CHRM3: variants seen among roughly 807,000 people sequenced by gnomAD.
CHRM3 encodes the protein cholinergic receptor muscarinic 3, also known as muscarinic acetylcholine receptor M3.
A neutral mutation model predicts 41.8 loss-of-function variants in CHRM3; 11 were observed. That is an observed-to-expected ratio of 0.26 (90% CI 0.17 to 0.44). CHRM3 has a LOEUF of 0.44. Ranked by LOEUF, CHRM3 falls within the 20% of genes least tolerant of loss-of-function variation. The probability of loss-of-function intolerance (pLI) is 1.00; values close to 1 mark genes in which losing one functional copy is unlikely to be tolerated. For synonymous variants in CHRM3, 297 were observed against 301.4 expected (o/e 0.99, Z 0.15); for missense variants, 571 against 745.4 (o/e 0.77, Z 2.72).
chr1:239,580,617 A>G (rs2148585667), intron 3 of CHRM3, among the ~76,000 whole-genome samples: 2 of 147,940 alleles, frequency 1.4e-5, no homozygotes, highest in South Asian at 4.3e-4. Context: ...TCAGAATCTC[A>G]GAATATTCAC....
Position 239,671,672 on chromosome 1 carries a change from C to T in CHRM3, c.-249-6514C>T, listed in dbSNP as rs951633290. 2.1e-5 allele frequency among the ~76,000 whole-genome samples: 3 copies of T among 146,124 alleles called. No individual in the cohort carries two copies. In the South Asian group the frequency reaches 6.5e-4, roughly 31 times the overall value. On this transcript the variant is annotated intron_variant, in intron 4 of 6. Transcript: ENST00000676153. ...TATTGAAAACAGTTATTTTATTTTA[C>T]TTTTTTTTTTTTGAGGAGGTGAGGT...
intron 1 of CHRM3, among the ~76,000 whole-genome samples, chr1:239,464,633 G>T (rs1164604151): frequency 1.3e-5 from 2 of 152,114 alleles, no homozygotes; most frequent in East Asian, 3.9e-4. Context: ...AGGTGATGTT[G>T]GTGTCCCCTA....
intron 4 of CHRM3, among the ~76,000 whole-genome samples, chr1:239,650,911 A>G (rs1226888958): frequency 1.3e-5 from 2 of 152,160 alleles, no homozygotes; most frequent in Non-Finnish European, 2.9e-5. Context: ...ATATATGTAA[A>G]TATGTGTAAA....
At position 239,447,070 on chromosome 1, in the gene CHRM3, A is replaced by G. The variant is rs577000464; in HGVS notation, c.-520-45639A>G. Among the ~76,000 whole-genome samples the G allele has an allele frequency of 9.8e-5, 15 of 152,318 alleles. No individual in the cohort carries two copies. The East Asian group carries it at 2.9e-3, about 29-fold the overall frequency. On this transcript the variant is annotated intron_variant, in intron 1 of 6. Coordinates refer to ENST00000676153, the MANE Select transcript of CHRM3 (RefSeq NM_001375978.1). ...CTTTTGGTTTGTCAGTACTTTGCAAATATTATTTAACTGGAATCTAATTCA... is the reference window on the plus strand; with the variant it reads ...CTTTTGGTTTGTCAGTACTTTGCAAGTATTATTTAACTGGAATCTAATTCA...
At chr1:239,851,779 A>G (rs557069928) in intron 6 of CHRM3, among the ~76,000 whole-genome samples, 2 of 152,244 alleles carry the variant, frequency 1.3e-5, no homozygotes, top group Non-Finnish European at 2.9e-5. Context: ...CTTCTTTTCC[A>G]TAAAGCTAGC....
chr1:239,568,573 G>T (rs1661566512), intron 3 of CHRM3, among the ~76,000 whole-genome samples: 1 of 152,084 alleles, frequency 6.6e-6, no homozygotes, highest in Admixed American at 6.6e-5. Context: ...ACCCAGCTTT[G>T]CTTTAGTGAT....
intron 2 of CHRM3, among the ~76,000 whole-genome samples, chr1:239,517,077 C>T (rs547464508): frequency 2.0e-5 from 3 of 152,200 alleles, no homozygotes; most frequent in East Asian, 1.9e-4. Flanking sequence ...AAATAAAGTA[C>T]ACAATAAATG....
intron 2 of CHRM3, among the ~76,000 whole-genome samples, chr1:239,513,669 C>A (rs1023001217): frequency 2.0e-5 from 3 of 152,074 alleles, no homozygotes; most frequent in African/African-American, 7.2e-5. Context: ...TTATGGATCA[C>A]GTCTTTGGTG....
intron 5 of CHRM3, among the ~76,000 whole-genome samples, chr1:239,749,017 G>T (rs1665591487): frequency 6.6e-6 from 1 of 152,122 alleles, no homozygotes; most frequent in Non-Finnish European, 1.5e-5. Flanking sequence ...AAAACCTGGG[G>T]TCTGAGCCGT....
chr1:239,558,145 T>C (rs765359241), intron 3 of CHRM3, among the ~76,000 whole-genome samples: 2 of 152,186 alleles, frequency 1.3e-5, no homozygotes, highest in Non-Finnish European at 2.9e-5. Context: ...CACAAGCATC[T>C]CTTGTTTCTT....
At chr1:239,538,717 A>G (rs1338911) in intron 2 of CHRM3, among the ~76,000 whole-genome samples, 6,083 of 152,260 alleles carry the variant, frequency 0.04, 424 homozygotes, top group African/African-American at 0.14. Flanking sequence ...AAAGTTTAAT[A>G]GCCAATAAAT....
chr1:239,421,760 G>C (rs980868951), intron 1 of CHRM3, among the ~76,000 whole-genome samples: 5 of 152,020 alleles, frequency 3.3e-5, no homozygotes, highest in Non-Finnish European at 7.4e-5. Context: ...CATCTCTACT[G>C]TATTCCTCAT....
chr1:239,696,196 G>A (rs1407343359), intron 5 of CHRM3, among the ~76,000 whole-genome samples: 1 of 152,182 alleles, frequency 6.6e-6, no homozygotes, highest in Non-Finnish European at 1.5e-5. Flanking sequence ...AATAGTGATA[G>A]CTGTCCTATG....
chr1:239,796,043 A>C (rs1053407087), intron 5 of CHRM3, among the ~76,000 whole-genome samples: 1 of 152,150 alleles, frequency 6.6e-6, no homozygotes, highest in African/African-American at 2.4e-5. Flanking sequence ...TTTTAAGTTC[A>C]TCAAATAAAT....
In CHRM3 at chr1:239,618,814, A is replaced by G. The variant is rs374544270; in HGVS notation, c.-312-13410A>G. ...AGCCGAGATCGCGCCCCTGCACTCC[A>G]GCCTGGGAGACAGAGCGAGACTCTG... On this transcript the variant is annotated intron_variant, in intron 3 of 6. Coordinates refer to ENST00000676153, the MANE Select transcript of CHRM3 (RefSeq NM_001375978.1). Among the ~76,000 whole-genome samples the G allele has an allele frequency of 9.8e-5, 14 of 142,868 alleles. No homozygotes were observed. In the East Asian group the frequency reaches 2.8e-3, roughly 29 times the overall value. The allele number at this position is 142,868 out of a possible 152,430, so 93.7% of individuals were successfully genotyped here. A position where few individuals can be genotyped will look rare whatever the true frequency, so the allele number is the denominator to read the frequency against.
At chr1:239,477,998 A>C (rs1191605989) in intron 1 of CHRM3, among the ~76,000 whole-genome samples, 1 of 152,190 alleles carries the variant, frequency 6.6e-6, no homozygotes, top group Non-Finnish European at 1.5e-5. Flanking sequence ...AGGGTGTGAT[A>C]ATCCAGGAGT....
chr1:239,448,479 G>A (rs1029746845), intron 1 of CHRM3, among the ~76,000 whole-genome samples: 4 of 152,048 alleles, frequency 2.6e-5, no homozygotes, highest in Admixed American at 6.6e-5. Flanking sequence ...ATTATTGTGC[G>A]AAGTTATTGA....
At chr1:239,692,726 G>A (rs776987798) in intron 5 of CHRM3, among the ~76,000 whole-genome samples, 12 of 152,108 alleles carry the variant, frequency 7.9e-5, no homozygotes, top group Admixed American at 1.3e-4. Context: ...TGCTGATACC[G>A]TTTGTTCTTC....
At chr1:239,685,657 T>A (rs146060095) in intron 5 of CHRM3, among the ~76,000 whole-genome samples, 4,513 of 152,066 alleles carry the variant, frequency 0.03, 106 homozygotes, top group Non-Finnish European at 0.043. Context: ...ACCCCATCTG[T>A]ACTAAAAATA....
Sources: gnomAD v4.1 joint callset for allele counts (sites outside exome capture counted in the v4.1 genomes callset) on GRCh38, gnomAD v4.1.1 for gene constraint, MANE v1.5 for transcripts, NCBI Gene and HGNC (gene_info 2026-07-23, HGNC 2026-07-21) for gene names.